Variants in MAN1A2 observed in about 807,000 individuals in gnomAD.
The protein encoded by MAN1A2 is mannosyl-oligosaccharide 1,2-alpha-mannosidase IB.
Under a neutral mutation model 75.7 loss-of-function variants are expected in MAN1A2, and 26 were observed. That is an observed-to-expected ratio of 0.34 (90% CI 0.25 to 0.48). MAN1A2 has a LOEUF of 0.48. MAN1A2 is among the 20% of genes least tolerant of loss of function. The pLI is 0.99. For missense variants in MAN1A2, 562 were observed against 775.5 expected (o/e 0.72, Z 3.27); for synonymous variants, 247 against 264.6 (o/e 0.93, Z 0.65).
Position 117,402,176 on chromosome 1 carries a change from T to G in MAN1A2, c.303-10T>G, listed in dbSNP as rs1360190446. 1 of 1,598,502 alleles carries G rather than the reference T, an allele frequency of 6.3e-7. No individual in the cohort carries two copies. The highest frequency in any genetic ancestry group is 1.4e-5 in the African/African-American group (1 of 73,666). On this transcript the variant is annotated splice_polypyrimidine_tract_variant and intron_variant, in intron 1 of 12. Transcript: ENST00000356554. ...TCACTGTTACGTTTTATTTCCTTCTTTTCTCACAGGGAAGAGGAAGAACGT... is the reference window on the plus strand; with the variant it reads ...TCACTGTTACGTTTTATTTCCTTCTGTTCTCACAGGGAAGAGGAAGAACGT...
chr1:117,402,295 C>G lies in MAN1A2; in HGVS notation c.412C>G (p.Gln138Glu). 1 of 1,613,604 alleles carries G rather than the reference C, an allele frequency of 6.2e-7. No individual in the cohort carries two copies. The highest frequency in any genetic ancestry group is 8.5e-7 in the Non-Finnish European group (1 of 1,179,760). Residue 138 changes from glutamine (Q) to glutamate (E), a missense_variant, in exon 2 of 13, where the codon CAG becomes GAG. Physicochemically the swap from Gln to Glu is conservative, Grantham distance 29. Around this residue, in one of 2 missense-constraint regions of MAN1A2, gnomAD observed 434 missense variants for 645.7 expected, o/e 0.67. Coordinates refer to ENST00000356554, the MANE Select transcript of MAN1A2 (RefSeq NM_006699.5). ...AAGAGAGGAAATTCGAGCAGAAATT[C>G]AGACAGAGAAAAATAAGGTAGTCCA... ...KSREEIRAEI[Q>E]TEKNKVVQEM...
chr1:117,396,501 A>T (rs1300128437), intron 1 of MAN1A2, among the ~76,000 whole-genome samples: 1 of 152,244 alleles, frequency 6.6e-6, no homozygotes, highest in East Asian at 1.9e-4. Context: ...GAGAAAGATC[A>T]TCCAAGTGAA....
At chr1:117,459,254 A>G (rs1649732880) in intron 6 of MAN1A2, among the ~76,000 whole-genome samples, 1 of 152,216 alleles carries the variant, frequency 6.6e-6, no homozygotes, top group South Asian at 2.1e-4. Context: ...AAGAAATTGC[A>G]GAGGAAAAGC....
At chr1:117,450,772 C>T (rs1201249564) in intron 6 of MAN1A2, among the ~76,000 whole-genome samples, 1 of 152,178 alleles carries the variant, frequency 6.6e-6, no homozygotes, top group East Asian at 1.9e-4. Flanking sequence ...TGGTGTTGAG[C>T]CTGCCAGTGC....
At chr1:117,439,787 G>A (rs931746933) in intron 5 of MAN1A2, among the ~76,000 whole-genome samples, 50 of 152,052 alleles carry the variant, frequency 3.3e-4, no homozygotes, top group African/African-American at 1.2e-3. Context: ...GAGCCACCAC[G>A]CCCAGCCTAA....
chr1:117,382,360 A>C (rs1177106642), intron 1 of MAN1A2, among the ~76,000 whole-genome samples: 3 of 152,160 alleles, frequency 2.0e-5, no homozygotes, highest in Non-Finnish European at 2.9e-5. Flanking sequence ...ATTTTTGTAT[A>C]AGGTGTAAGG....
chr1:117,458,521 A>ATTTTTTTTTTTTTT (rs1409683905), intron 6 of MAN1A2, among the ~76,000 whole-genome samples: 14 of 94,326 alleles, frequency 1.5e-4, no homozygotes, highest in Non-Finnish European at 2.0e-4. Flanking sequence ...AGATATATAT[A>ATTTTTTTTTTTTTT]TATTTTTTTT....
At chr1:117,511,436 A>G (rs1651531057) in intron 12 of MAN1A2, among the ~76,000 whole-genome samples, 2 of 151,664 alleles carry the variant, frequency 1.3e-5, no homozygotes, top group South Asian at 2.1e-4. Flanking sequence ...TAGCCTCCCA[A>G]AGTGCTGGGA....
chr1:117,429,795 G>C (rs1375515055), intron 5 of MAN1A2, among the ~76,000 whole-genome samples: 3 of 105,424 alleles, frequency 2.8e-5, no homozygotes, highest in Non-Finnish European at 6.1e-5. Context: ...GGGGCGGCTG[G>C]CCGGGCGGGG....
chr1:117,511,481 G>T lies in MAN1A2; in HGVS notation c.1793+8511G>T, dbSNP rs1049797936. Among the ~76,000 whole-genome samples the T allele has an allele frequency of 2.0e-5, 3 of 151,934 alleles. No individual in the cohort carries two copies. The South Asian group carries it at 6.2e-4, about 31-fold the overall frequency. The stretch of plus-strand genomic sequence containing the variant: ...TGAGTCATCATGCTCAGCCTAGATG[G>T]ATTTTTTTTTTTAATCTATCTTCCA... On this transcript the variant is annotated intron_variant, in intron 12 of 12. Transcript: ENST00000356554.
At chr1:117,499,580 T>A in intron 11 of MAN1A2, 26 bp downstream of exon 11, 1 of 1,569,062 alleles carries the variant, frequency 6.4e-7, no homozygotes, top group Non-Finnish European at 8.6e-7. Context: ...TTCCATTTTA[T>A]CTGCAAGAGT....
At chr1:117,445,880 G>GTATATATA (rs771435341) in intron 6 of MAN1A2, among the ~76,000 whole-genome samples, 1,335 of 125,954 alleles carry the variant, frequency 0.011, 23 homozygotes, top group Admixed American at 0.014. Context: ...GTGTCTGTGT[G>GTATATATA]TGTGTATATA....
At chr1:117,383,775 G>T (rs1653432101) in intron 1 of MAN1A2, among the ~76,000 whole-genome samples, 1 of 151,594 alleles carries the variant, frequency 6.6e-6, no homozygotes, top group African/African-American at 2.4e-5. Flanking sequence ...AGCGTTGGGG[G>T]TCTGTGTTGC....
At chr1:117,428,465 A>G (rs1257770108) in intron 5 of MAN1A2, among the ~76,000 whole-genome samples, 1 of 152,160 alleles carries the variant, frequency 6.6e-6, no homozygotes, top group Non-Finnish European at 1.5e-5. Flanking sequence ...GAGGACAACA[A>G]CAAAAAGCAA....
intron 12 of MAN1A2, among the ~76,000 whole-genome samples, chr1:117,512,645 C>T (rs1426469437): frequency 6.6e-6 from 1 of 151,940 alleles, no homozygotes; most frequent in East Asian, 1.9e-4. Context: ...TTATGTAGTT[C>T]AGTCTCTTCA....
intron 5 of MAN1A2, among the ~76,000 whole-genome samples, chr1:117,438,489 G>C (rs1214356203): frequency 6.6e-6 from 1 of 152,114 alleles, no homozygotes; most frequent in African/African-American, 2.4e-5. Context: ...AATTAGTGTA[G>C]CCTAAGTGTA....
Position 117,387,845 on chromosome 1 carries a change from G to T in MAN1A2, c.303-14341G>T, listed in dbSNP as rs889456220. Among the ~76,000 whole-genome samples the T allele has an allele frequency of 5.3e-5, 8 of 152,176 alleles. No homozygotes were observed. In the East Asian group the frequency reaches 1.5e-3, roughly 29 times the overall value. ...CACTTTCTCTGTGTGTCCTCTCATGGTCTTTTCTCCATGTGTGCTTGTGAA... is the reference window on the plus strand; with the variant it reads ...CACTTTCTCTGTGTGTCCTCTCATGTTCTTTTCTCCATGTGTGCTTGTGAA... On this transcript the variant is annotated intron_variant, in intron 1 of 12. Coordinates refer to ENST00000356554, the MANE Select transcript of MAN1A2 (RefSeq NM_006699.5).
chr1:117,414,049 C>T (rs1396946852), intron 3 of MAN1A2, among the ~76,000 whole-genome samples: 1 of 151,346 alleles, frequency 6.6e-6, no homozygotes, highest in Non-Finnish European at 1.5e-5. Flanking sequence ...GCTTTCTTCC[C>T]CTCAGAACAT....
chr1:117,431,269 TAGAA>T (rs1294184414), intron 5 of MAN1A2, among the ~76,000 whole-genome samples: 1 of 131,638 alleles, frequency 7.6e-6, no homozygotes, highest in Non-Finnish European at 1.6e-5. Context: ...ATCCATTCAT[TAGAA>T]AGACATAATC....
Sources: gnomAD v4.1 joint callset for allele counts (sites outside exome capture counted in the v4.1 genomes callset) on GRCh38, gnomAD v4.1.1 for gene constraint, gnomAD v4.1.1 regional missense constraint, MANE v1.5 for transcripts, NCBI Gene and HGNC (gene_info 2026-07-23, HGNC 2026-07-21) for gene names.